The following EXT1 variants were observed in gnomAD, a reference collection of about 807,000 sequenced individuals.
The protein encoded by EXT1 is exostosin glycosyltransferase 1.
EXT1 carries 20 observed loss-of-function variants against 82.5 expected under a neutral mutation model. The ratio of observed to expected loss-of-function variants is 0.24; its 90% confidence interval spans 0.17 to 0.35. The LOEUF (loss-of-function observed/expected upper bound fraction) is 0.35, where lower values mean the gene tolerates loss of function less well. Among genes scored for constraint, EXT1 ranks in the 10% least tolerant of loss-of-function variants. The pLI is 1.00. For synonymous variants in EXT1, 348 were observed against 350.8 expected, an observed-to-expected ratio of 0.99 and a Z score of 0.09; for missense variants, 757 against 936.5, an observed-to-expected ratio of 0.81 and a Z score of 2.50.
intron 1 of EXT1, among the ~76,000 whole-genome samples, chr8:118,019,093 G>GA (rs66876388): frequency 0.29 from 42,204 of 146,262 alleles, 6,074 homozygotes; most frequent in South Asian, 0.41. Flanking sequence ...AGGAAAAAAA[G>GA]AAAAAAAAAA....
At chr8:118,010,986 C>A (rs1377974068) in intron 1 of EXT1, among the ~76,000 whole-genome samples, 1 of 152,232 alleles carries the variant, frequency 6.6e-6, no homozygotes, top group East Asian at 1.9e-4. Context: ...CAGGAGCTTG[C>A]AGGAAAGAAG....
chr8:118,062,985 G>C (rs890185722), intron 1 of EXT1, among the ~76,000 whole-genome samples: 1 of 152,194 alleles, frequency 6.6e-6, no homozygotes, highest in Middle Eastern at 3.4e-3. Context: ...GAACATTAAG[G>C]GTGCAAATCT....
chr8:117,931,147 C>T (rs918492421), intron 1 of EXT1, among the ~76,000 whole-genome samples: 6 of 152,318 alleles, frequency 3.9e-5, no homozygotes, highest in South Asian at 4.1e-4. Flanking sequence ...CAACAGTCCT[C>T]GGGGCTGCCC....
At chr8:117,805,012 GATA>G (rs1823216953) in intron 9 of EXT1, 119 bp from the exon 10 acceptor site, 2 of 854,850 alleles carry the variant, frequency 2.3e-6, no homozygotes, top group Non-Finnish European at 3.8e-6. Context: ...GAATGGTAAT[GATA>G]ATGATGATGA....
At chr8:118,066,063 T>C (rs909961069) in intron 1 of EXT1, among the ~76,000 whole-genome samples, 2 of 152,196 alleles carry the variant, frequency 1.3e-5, no homozygotes, top group African/African-American at 4.8e-5. Context: ...TGTTTGAAAA[T>C]TAACTGTAGA....
Position 117,799,586 on chromosome 8 carries a change from TGCTCATCTAAG to T in EXT1, c.*115_*125del. On this transcript the variant is annotated 3_prime_UTR_variant, in exon 11 of 11. Coordinates refer to ENST00000378204, the MANE Select transcript of EXT1 (RefSeq NM_000127.3). ...ATTGGCCTTTTTTTTTTTGTCATTCTGCTCATCTAAGTTTTTGGATAGTTGGCACAATCTGG... is the reference window on the plus strand; with the variant it reads ...ATTGGCCTTTTTTTTTTTGTCATTCTTTTTTGGATAGTTGGCACAATCTGG... 2.8e-6 allele frequency: 3 copies of T among 1,079,764 alleles called. No homozygotes were observed. The highest frequency in any genetic ancestry group is 4.1e-5 in the Admixed American group (2 of 49,178). The allele number at this position is 1,079,764 out of a possible 1,614,324, so 66.9% of individuals were successfully genotyped here.
intron 1 of EXT1, among the ~76,000 whole-genome samples, chr8:118,030,877 A>AAGAAGACTC (rs759172469): frequency 6.6e-6 from 1 of 152,216 alleles, no homozygotes; most frequent in Non-Finnish European, 1.5e-5. Flanking sequence ...AGGAGGAGTG[A>AAGAAGACTC]AAACACTGAA....
At chr8:118,065,085 T>G (rs1412327898) in intron 1 of EXT1, among the ~76,000 whole-genome samples, 1 of 152,066 alleles carries the variant, frequency 6.6e-6, no homozygotes, top group Non-Finnish European at 1.5e-5. Flanking sequence ...ACTCCTGACC[T>G]CAGGTGATCC....
intron 1 of EXT1, among the ~76,000 whole-genome samples, chr8:118,028,257 T>C (rs1172914092): frequency 6.6e-6 from 1 of 152,182 alleles, no homozygotes; most frequent in Non-Finnish European, 1.5e-5. Context: ...AAGGGCCATG[T>C]TGGGGAAAGG....
At position 118,111,358 on chromosome 8, in the gene EXT1, AAAAG is replaced by A. The variant is rs1817900561; in HGVS notation, c.-316_-313del. On this transcript the variant is annotated 5_prime_UTR_variant, in exon 1 of 11. Transcript: ENST00000378204. ...TTTCTTGCATGCAACAAGACGGAGGAAAAGAAAGAGAGAGGGGAGAAAAAAAAAG... is the reference window on the plus strand; with the variant it reads ...TTTCTTGCATGCAACAAGACGGAGGAAAAGAGAGAGGGGAGAAAAAAAAAG... 2 of 563,176 alleles carry A rather than the reference AAAAG, an allele frequency of 3.6e-6. No homozygotes were observed. The highest frequency in any genetic ancestry group is 4.7e-4 in the Middle Eastern group (1 of 2,132). The allele number at this position is 563,176 out of a possible 1,614,324, so 34.9% of individuals were successfully genotyped here.
chr8:117,909,427 T>G (rs1330227952), intron 1 of EXT1, among the ~76,000 whole-genome samples: 1 of 152,182 alleles, frequency 6.6e-6, no homozygotes. Flanking sequence ...AAACTGTAAA[T>G]GTATGTGATC....
intron 1 of EXT1, among the ~76,000 whole-genome samples, chr8:118,050,269 G>A (rs975490504): frequency 1.3e-5 from 2 of 152,202 alleles, no homozygotes; most frequent in Non-Finnish European, 2.9e-5. Context: ...AAAGATACCA[G>A]CACTGGCTGA....
chr8:118,079,172 GA>G (rs1312108988), intron 1 of EXT1, among the ~76,000 whole-genome samples: 1 of 151,984 alleles, frequency 6.6e-6, no homozygotes, highest in Non-Finnish European at 1.5e-5. Context: ...TTCTGCATAG[GA>G]AAAAATAATT....
intron 1 of EXT1, among the ~76,000 whole-genome samples, chr8:117,979,386 AC>A (rs1250055654): frequency 3.0e-3 from 447 of 151,512 alleles, no homozygotes; most frequent in South Asian, 4.8e-3. Context: ...AAACAAAAAA[AC>A]AAAACAAAAA....
intron 1 of EXT1, among the ~76,000 whole-genome samples, chr8:118,066,607 C>T (rs950993977): frequency 2.0e-5 from 3 of 152,086 alleles, no homozygotes; most frequent in Non-Finnish European, 4.4e-5. Context: ...GTGATCTGCC[C>T]GCCTCAGCCT....
At chr8:117,817,182 TC>T (rs1264048830) in intron 7 of EXT1, among the ~76,000 whole-genome samples, 1 of 152,204 alleles carries the variant, frequency 6.6e-6, no homozygotes, top group Admixed American at 6.5e-5. Flanking sequence ...CCCACTGTGT[TC>T]CAAGCCTGTT....
chr8:118,071,990 T>C (rs552338361), intron 1 of EXT1, among the ~76,000 whole-genome samples: 1 of 152,048 alleles, frequency 6.6e-6, no homozygotes, highest in African/African-American at 2.4e-5. Flanking sequence ...AGGATGAAAA[T>C]CTAGGTTCAC....
intron 1 of EXT1, among the ~76,000 whole-genome samples, chr8:118,017,998 A>T (rs1437326886): frequency 1.3e-5 from 2 of 152,268 alleles, no homozygotes; most frequent in East Asian, 3.8e-4. Context: ...AGGGGATTAT[A>T]GTGCTATTCA....
At chr8:118,100,968 T>C (rs1817708682) in intron 1 of EXT1, among the ~76,000 whole-genome samples, 1 of 152,160 alleles carries the variant, frequency 6.6e-6, no homozygotes, top group African/African-American at 2.4e-5. Flanking sequence ...CTACCACAAT[T>C]TCCTGAGGAC....
Sources: gnomAD v4.1 joint callset for allele counts (sites outside exome capture counted in the v4.1 genomes callset) on GRCh38, gnomAD v4.1.1 for gene constraint, MANE v1.5 for transcripts, NCBI Gene and HGNC (gene_info 2026-07-23, HGNC 2026-07-21) for gene names.